The following CCDC62 variants were observed in gnomAD, a reference collection of about 807,000 sequenced individuals.
CCDC62 encodes coiled-coil domain containing 62.
A neutral mutation model predicts 80.8 loss-of-function variants in CCDC62; 72 were observed. The ratio of observed to expected loss-of-function variants is 0.89; its 90% CI spans 0.74 to 1.08. CCDC62 has a LOEUF of 1.08. Ranked by LOEUF, CCDC62 falls within the 50% of genes least tolerant of loss-of-function variation. CCDC62 has a pLI of 0.00. For synonymous variants in CCDC62, 286 were observed against 296.5 expected, an observed-to-expected ratio of 0.96 and a Z score of 0.36; for missense variants, 704 against 809.4, an observed-to-expected ratio of 0.87 and a Z score of 1.58.
intron 3 of CCDC62, 92 bp from the exon 4 acceptor site, chr12:122,785,626 CA>C: frequency 1.2e-6 from 1 of 855,038 alleles, no homozygotes; most frequent in Non-Finnish European, 1.9e-6. Flanking sequence ...AAGGAAAAAA[CA>C]AAATAGAGAA....
chr12:122,819,641 C>G (rs968760120), intron 11 of CCDC62, among the ~76,000 whole-genome samples: 1 of 152,018 alleles, frequency 6.6e-6, no homozygotes, highest in Non-Finnish European at 1.5e-5. Flanking sequence ...TCCACCCACA[C>G]GGTGGAGTTC....
At chr12:122,820,493 C>T (rs1270056416) in intron 11 of CCDC62, among the ~76,000 whole-genome samples, 1 of 152,126 alleles carries the variant, frequency 6.6e-6, no homozygotes, top group Non-Finnish European at 1.5e-5. Flanking sequence ...TCGTGGCAGG[C>T]TGATAAAGCC....
At chr12:122,786,965 A>G (rs1032570522) in intron 4 of CCDC62, among the ~76,000 whole-genome samples, 1 of 152,152 alleles carries the variant, frequency 6.6e-6, no homozygotes, top group Non-Finnish European at 1.5e-5. Context: ...CTCAAAAAAA[A>G]ATTAAATTAA....
intron 6 of CCDC62, 81 bp downstream of exon 6, chr12:122,792,202 GTTTTTTTTTTT>G (rs760554062): frequency 6.0e-6 from 3 of 500,118 alleles, no homozygotes; most frequent in East Asian, 3.7e-5. Flanking sequence ...TCCCAAAATG[GTTTTTTTTTTT>G]TTTTTTTTGA....
chr12:122,787,139 G>T (rs908654145), intron 4 of CCDC62, among the ~76,000 whole-genome samples: 2 of 152,088 alleles, frequency 1.3e-5, no homozygotes, highest in African/African-American at 2.4e-5. Context: ...AAAACAGTGG[G>T]TGCGTTAGGA....
chr12:122,780,102 G>A (rs1174045480), intron 2 of CCDC62, among the ~76,000 whole-genome samples: 1 of 151,156 alleles, frequency 6.6e-6, no homozygotes, highest in African/African-American at 2.4e-5. Context: ...ATGGGGTCAG[G>A]AGATCAAGAC....
At chr12:122,789,730 C>T (rs1391527463) in intron 5 of CCDC62, among the ~76,000 whole-genome samples, 1 of 152,220 alleles carries the variant, frequency 6.6e-6, no homozygotes, top group Non-Finnish European at 1.5e-5. Context: ...CCAACACACC[C>T]AGCCGATCTT....
Position 122,813,380 on chromosome 12 carries a change from GCCCATC to G in CCDC62, c.1963_1968del (p.Pro655_Ile656del). 1.2e-6 allele frequency: 2 copies of G among 1,613,480 alleles called. No individual in the cohort carries two copies. Among genetic ancestry groups the G allele is most frequent in the Non-Finnish European group, 8.5e-7 (1 of 1,179,888 alleles). ...CGGACCTGGAGCTGAGCACACTGCTGCCCATCAGCCATGAGAATCTCACTGGCAGTG... is the reference window on the plus strand; with the variant it reads ...CGGACCTGGAGCTGAGCACACTGCTGAGCCATGAGAATCTCACTGGCAGTG... On this transcript the variant is annotated inframe_deletion, in exon 11 of 13. Transcript: ENST00000253079.
chr12:122,799,854 A>C (rs1214248974), intron 8 of CCDC62, among the ~76,000 whole-genome samples: 1 of 152,160 alleles, frequency 6.6e-6, no homozygotes, highest in Non-Finnish European at 1.5e-5. Flanking sequence ...TTTCCGCTGC[A>C]CTTGCTTCAC....
intron 4 of CCDC62, among the ~76,000 whole-genome samples, chr12:122,786,688 C>T (rs1242851248): frequency 2.6e-5 from 4 of 152,024 alleles, no homozygotes; most frequent in South Asian, 4.1e-4. Context: ...AGGCCGGGCA[C>T]GGTGGCTCAC....
intron 11 of CCDC62, among the ~76,000 whole-genome samples, chr12:122,820,485 G>T (rs80238884): frequency 1.3e-4 from 20 of 152,196 alleles, no homozygotes; most frequent in Non-Finnish European, 2.2e-4. Context: ...GGCCTTTCTC[G>T]TGGCAGGCTG....
intron 6 of CCDC62, among the ~76,000 whole-genome samples, chr12:122,794,293 C>T (rs1402745281): frequency 6.6e-6 from 1 of 152,126 alleles, no homozygotes; most frequent in Non-Finnish European, 1.5e-5. Flanking sequence ...CTCTGAGGCT[C>T]AAGTGATCCT....
At chr12:122,824,532 G>A (rs1463573650) in intron 12 of CCDC62, among the ~76,000 whole-genome samples, 1 of 152,082 alleles carries the variant, frequency 6.6e-6, no homozygotes, top group Non-Finnish European at 1.5e-5. Context: ...GCATGGATGT[G>A]GTAAAAAGGG....
chr12:122,794,237 C>A (rs1293331091), intron 6 of CCDC62, among the ~76,000 whole-genome samples: 1 of 152,168 alleles, frequency 6.6e-6, no homozygotes, highest in Non-Finnish European at 1.5e-5. Context: ...TTTCTTTACC[C>A]AGGCTGGAGT....
chr12:122,779,398 C>T (rs923462409), intron 2 of CCDC62, among the ~76,000 whole-genome samples: 1 of 151,952 alleles, frequency 6.6e-6, no homozygotes, highest in Non-Finnish European at 1.5e-5. Context: ...ATCCTACAGC[C>T]CAGCAAAGCC....
At chr12:122,815,085 T>G (rs190078825) in intron 11 of CCDC62, among the ~76,000 whole-genome samples, 1 of 151,806 alleles carries the variant, frequency 6.6e-6, no homozygotes, top group South Asian at 2.1e-4. Flanking sequence ...TGAGCCACCA[T>G]GCTCAGCTTA....
intron 11 of CCDC62, among the ~76,000 whole-genome samples, chr12:122,818,747 A>T (rs1159141833): frequency 6.6e-6 from 1 of 152,050 alleles, no homozygotes; most frequent in Admixed American, 6.6e-5. Flanking sequence ...AGATAGTGAG[A>T]CCCCATTGCT....
At chr12:122,790,601 G>T (rs1402000183) in intron 5 of CCDC62, among the ~76,000 whole-genome samples, 2 of 152,048 alleles carry the variant, frequency 1.3e-5, no homozygotes, top group East Asian at 3.9e-4. Flanking sequence ...AGGTTGCAGT[G>T]AGCCAAGATT....
intron 8 of CCDC62, among the ~76,000 whole-genome samples, chr12:122,799,330 A>G (rs904233316): frequency 1.2e-4 from 18 of 152,256 alleles, no homozygotes; most frequent in African/African-American, 3.6e-4. Context: ...CCATCCATCC[A>G]TCCAGCATTC....
Sources: gnomAD v4.1 joint callset for allele counts (sites outside exome capture counted in the v4.1 genomes callset) on GRCh38, gnomAD v4.1.1 for gene constraint, MANE v1.5 for transcripts, NCBI Gene and HGNC (gene_info 2026-07-23, HGNC 2026-07-21) for gene names.